The following LINGO1 variants were observed in gnomAD, a reference collection of about 807,000 sequenced individuals.
The protein encoded by LINGO1 is leucine rich repeat and Ig domain containing 1.
LINGO1 carries 11 observed loss-of-function variants against 37.3 expected under a neutral mutation model. The observed-to-expected ratio is 0.29, with a 90% CI of 0.19 to 0.49. The LOEUF is 0.49. Among genes scored for constraint, LINGO1 ranks in the 20% least tolerant of loss-of-function variants. The pLI is 0.99. For missense variants in LINGO1, 585 were observed against 878.2 expected, an observed-to-expected ratio of 0.67 and a Z score of 4.22; for synonymous variants, 387 against 403.0, an observed-to-expected ratio of 0.96 and a Z score of 0.48.
At chr15:77,649,482 G>A (rs147163238) in intron 3 of LINGO1, among the ~76,000 whole-genome samples, 8 of 152,282 alleles carry the variant, frequency 5.3e-5, no homozygotes, top group East Asian at 1.9e-4. Flanking sequence ...AAGTCACCAC[G>A]GAGAAACAGC....
chr15:77,641,757 G>C lies in LINGO1; in HGVS notation c.-12-25857C>G, dbSNP rs538223810. 170 of 428,486 alleles carry C rather than the reference G, an allele frequency of 4.0e-4. 2 individuals carry two copies. Among genetic ancestry groups the C allele is most frequent in the African/African-American group, 3.1e-3 (155 of 49,624 alleles). The allele number at this position is 428,486 out of a possible 1,614,324, so 26.5% of individuals were successfully genotyped here. A position where few individuals can be genotyped will look rare whatever the true frequency, so the allele number is the denominator to read the frequency against. On this transcript the variant is annotated intron_variant, in intron 3 of 3. Transcript: ENST00000559893. ...GAGAGAGAAGAGGCCCAGAGACACA[G>C]AGAGCCAGAAACGGGGCTGTGGCTG...
chr15:77,795,176 T>G (rs957327382), intron 2 of LINGO1, among the ~76,000 whole-genome samples: 1 of 152,084 alleles, frequency 6.6e-6, no homozygotes, highest in African/African-American at 2.4e-5. Flanking sequence ...GGCCCAGATA[T>G]GGGGTAGAGG....
chr15:77,772,588 G>T (rs542845018), intron 1 of LINGO1, among the ~76,000 whole-genome samples: 1 of 152,240 alleles, frequency 6.6e-6, no homozygotes, highest in Admixed American at 6.5e-5. Context: ...GCTGGGGTGG[G>T]GGGTCTATGG....
exon 1 of LINGO1, chr15:77,787,000 A>C (rs2076778014): frequency 2.0e-5 from 3 of 152,260 alleles, no homozygotes; most frequent in African/African-American, 7.2e-5. Flanking sequence ...GCCCCGCAGG[A>C]CCTGAGGCTG....
rs139698271 is a variant in LINGO1 at position 77,645,668 on chromosome 15, C to T, written c.-12-29768G>A. On this transcript the variant is annotated intron_variant, in intron 3 of 3. Coordinates refer to the LINGO1 transcript ENST00000559893. Reference sequence around the variant, plus strand: ...TCCGTGGGCCTCAGTTCTGAGCCTGCCCGCACTCTGCATCCCATACACGTC... The same window carrying T: ...TCCGTGGGCCTCAGTTCTGAGCCTGTCCGCACTCTGCATCCCATACACGTC... 3.6e-3 allele frequency among the ~76,000 whole-genome samples: 547 copies of T among 152,340 alleles called. 1 individual carries two copies. The highest frequency in any genetic ancestry group is 0.013 in the African/African-American group (530 of 41,574).
intron 3 of LINGO1, among the ~76,000 whole-genome samples, chr15:77,664,160 T>TGCGC (rs1393532000): frequency 2.4e-4 from 28 of 115,010 alleles, no homozygotes; most frequent in Middle Eastern, 4.3e-3. Flanking sequence ...TGTGTGTGTG[T>TGCGC]GTGTGTGTGT....
chr15:77,622,381 C>T (rs987491266), intron 1 of LINGO1, among the ~76,000 whole-genome samples: 2 of 152,150 alleles, frequency 1.3e-5, no homozygotes, highest in Admixed American at 6.5e-5. Context: ...GGCACAACTA[C>T]GTTCCCAGCC....
chr15:77,711,478 G>T (rs138400658), intron 2 of LINGO1, among the ~76,000 whole-genome samples: 1 of 152,276 alleles, frequency 6.6e-6, no homozygotes, highest in Non-Finnish European at 1.5e-5. Context: ...CCTGCATCCT[G>T]CTTCCTTCAT....
chr15:77,663,794 T>C (rs1236369619), intron 3 of LINGO1, among the ~76,000 whole-genome samples: 2 of 152,154 alleles, frequency 1.3e-5, no homozygotes, highest in Admixed American at 1.3e-4. Flanking sequence ...GAGTGGGGGA[T>C]GGGGAGAGCC....
chr15:77,705,693 G>T (rs974536097), intron 2 of LINGO1, among the ~76,000 whole-genome samples: 1 of 152,238 alleles, frequency 6.6e-6, no homozygotes, highest in Non-Finnish European at 1.5e-5. Flanking sequence ...CTTCTTCTCA[G>T]GCTGAACAAC....
intron 3 of LINGO1, among the ~76,000 whole-genome samples, chr15:77,656,221 C>T (rs1197817968): frequency 6.6e-6 from 1 of 152,180 alleles, no homozygotes; most frequent in Non-Finnish European, 1.5e-5. Context: ...GAACTCCAGA[C>T]CCCACTTTGG....
rs3743481 is a variant in LINGO1, at chr15:77,614,803, G to A, written c.1104C>T (p.Ser368=). The stretch of plus-strand genomic sequence containing the variant: ...GCCGACAGTCGCAGGCCAGCGGGTT[G>A]GAGTCCAGGATGAGTGTCTCCAGGT... The part of the protein sequence containing the change: ...VGNLETLILD[S]NPLACDCRLL... Residue 368 remains serine, a synonymous_variant, in exon 2 of 2, where the codon TCC becomes TCT. Coordinates refer to ENST00000355300, the MANE Select transcript of LINGO1 (RefSeq NM_032808.7). The A allele has an allele frequency of 0.4, 648,758 of 1,608,936 alleles. 134,990 individuals carry two copies. Among genetic ancestry groups the A allele is most frequent in the South Asian group, 0.58 (52,201 of 90,308 alleles).
chr15:77,743,448 G>A (rs778098982), intron 1 of LINGO1, among the ~76,000 whole-genome samples: 4 of 152,126 alleles, frequency 2.6e-5, no homozygotes, highest in African/African-American at 4.8e-5. Context: ...CAGGCTTCCT[G>A]GCCTCAGGCC....
At chr15:77,719,764 ACACT>A (rs1485758191) in intron 2 of LINGO1, among the ~76,000 whole-genome samples, 4 of 143,018 alleles carry the variant, frequency 2.8e-5, no homozygotes, top group South Asian at 2.3e-4. Flanking sequence ...TCACATTCAC[ACACT>A]CACACATACA....
chr15:77,624,284 C>T (rs867129367), intron 1 of LINGO1, among the ~76,000 whole-genome samples: 35 of 151,882 alleles, frequency 2.3e-4, no homozygotes, highest in African/African-American at 5.6e-4. Context: ...CCCCACTCCC[C>T]GGCCCCCAGC....
chr15:77,730,254 C>T (rs1398499813), intron 2 of LINGO1, among the ~76,000 whole-genome samples: 1 of 152,182 alleles, frequency 6.6e-6, no homozygotes, highest in Non-Finnish European at 1.5e-5. Context: ...AAGTGTCATT[C>T]CTAGTGCAGT....
At chr15:77,776,803 T>C (rs1286332723) in intron 1 of LINGO1, among the ~76,000 whole-genome samples, 1 of 152,194 alleles carries the variant, frequency 6.6e-6, no homozygotes, top group African/African-American at 2.4e-5. Flanking sequence ...TGACACATTC[T>C]AAGCATTGTA....
At chr15:77,815,473 C>T (rs928035265) in intron 1 of LINGO1, among the ~76,000 whole-genome samples, 2 of 152,216 alleles carry the variant, frequency 1.3e-5, no homozygotes, top group Admixed American at 6.5e-5. Flanking sequence ...AGCCCTCCTC[C>T]GAGGTTACAA....
chr15:77,673,124 T>A (rs1352742983), intron 3 of LINGO1, among the ~76,000 whole-genome samples: 1 of 152,164 alleles, frequency 6.6e-6, no homozygotes, highest in Non-Finnish European at 1.5e-5. Flanking sequence ...ACATTTCAGA[T>A]GAACTAGAGA....
Sources: allele counts gnomAD v4.1 joint callset (sites outside exome capture counted in the v4.1 genomes callset), GRCh38; gene constraint gnomAD v4.1.1; transcripts MANE v1.5; gene names NCBI Gene and HGNC (gene_info 2026-07-23, HGNC 2026-07-21).